Variants in URM1 observed in about 807,000 individuals in gnomAD.
URM1 encodes ubiquitin related modifier 1.
URM1 carries 11 observed loss-of-function variants against 17.7 expected under a neutral mutation model. The ratio of observed to expected loss-of-function variants is 0.62; its 90% CI spans 0.39 to 1.03. URM1 has a LOEUF of 1.03. Among genes scored for constraint, URM1 ranks in the 50% least tolerant of loss-of-function variants. URM1 has a pLI of 0.00. For synonymous variants in URM1, 48 were observed against 50.6 expected (o/e 0.95, Z 0.22); for missense variants, 128 against 129.2 (o/e 0.99, Z 0.04).
chr9:128,377,119 G>A (rs888565872), intron 1 of URM1, among the ~76,000 whole-genome samples: 13 of 152,198 alleles, frequency 8.5e-5, no homozygotes, highest in South Asian at 4.1e-4. Context: ...CAGTCATCTC[G>A]CCTTGGCCTC....
intron 2 of URM1, among the ~76,000 whole-genome samples, chr9:128,381,465 G>C (rs1371364342): frequency 6.6e-6 from 1 of 152,178 alleles, no homozygotes; most frequent in African/African-American, 2.4e-5. Context: ...GGGAGGCCAA[G>C]GTAGGCGGAT....
chr9:128,374,312 G>C (rs146281922), intron 1 of URM1, among the ~76,000 whole-genome samples: 6 of 152,298 alleles, frequency 3.9e-5, no homozygotes, highest in African/African-American at 1.4e-4. Flanking sequence ...GGGAAAAACA[G>C]CCTCGGCCTC....
chr9:128,378,171 A>G (rs1430219485), intron 2 of URM1, 65 bp downstream of exon 2: 1 of 1,196,732 alleles, frequency 8.4e-7, no homozygotes, highest in African/African-American at 1.5e-5. Flanking sequence ...CATGGGGAAC[A>G]CTCAGCCCCG....
intron 1 of URM1, among the ~76,000 whole-genome samples, chr9:128,371,780 C>G (rs369279538): frequency 1.3e-5 from 2 of 152,326 alleles, no homozygotes; most frequent in East Asian, 1.9e-4. Context: ...AAGGACCACC[C>G]TCCACCCGCT....
chr9:128,382,667 A>G (rs1012221179), intron 2 of URM1, among the ~76,000 whole-genome samples: 7 of 152,154 alleles, frequency 4.6e-5, no homozygotes, highest in African/African-American at 1.7e-4. Flanking sequence ...TTTCTTCCCT[A>G]TCTGTAAGAT....
At chr9:128,375,620 C>G (rs1833066114) in intron 1 of URM1, among the ~76,000 whole-genome samples, 1 of 152,124 alleles carries the variant, frequency 6.6e-6, no homozygotes, top group Non-Finnish European at 1.5e-5. Context: ...AGTACAGTGG[C>G]ATGACCTTGG....
chr9:128,386,977 T>C (rs984081029), intron 2 of URM1, among the ~76,000 whole-genome samples: 10 of 152,206 alleles, frequency 6.6e-5, no homozygotes, highest in African/African-American at 1.9e-4. Flanking sequence ...TTGAGGACCA[T>C]AGGCTTCGAG....
intron 3 of URM1, chr9:128,388,677 G>A: frequency 1.0e-6 from 1 of 984,392 alleles, no homozygotes; most frequent in South Asian, 4.7e-5. Context: ...AGGCTAAGCT[G>A]CCTGACCAAA....
At chr9:128,378,323 G>A (rs1833107056) in intron 2 of URM1, among the ~76,000 whole-genome samples, 1 of 152,034 alleles carries the variant, frequency 6.6e-6, no homozygotes, top group South Asian at 2.1e-4. Flanking sequence ...TGGATCACAA[G>A]GTCAGGAGTT....
chr9:128,373,047 G>C (rs1833032672), intron 1 of URM1, among the ~76,000 whole-genome samples: 1 of 152,246 alleles, frequency 6.6e-6, no homozygotes, highest in African/African-American at 2.4e-5. Context: ...GAGGAAGATG[G>C]GGCCATTGCT....
At chr9:128,388,076 T>C (rs1047154561) in intron 3 of URM1, 179 bp downstream of exon 3, 5 of 1,347,600 alleles carry the variant, frequency 3.7e-6, no homozygotes, top group African/African-American at 1.5e-5. Context: ...CTCTTGAGGA[T>C]TTTTTAAATC....
At chr9:128,373,124 C>T (rs777427241) in intron 1 of URM1, among the ~76,000 whole-genome samples, 3 of 152,106 alleles carry the variant, frequency 2.0e-5, no homozygotes, top group Admixed American at 6.6e-5. Flanking sequence ...TTCAGTCTCC[C>T]TTACCTCCAA....
intron 2 of URM1, among the ~76,000 whole-genome samples, chr9:128,383,888 G>C (rs748697555): frequency 2.6e-5 from 4 of 152,162 alleles, no homozygotes; most frequent in Admixed American, 6.5e-5. Context: ...GCTTGCGTCG[G>C]TGCTCTCCAC....
Position 128,389,964 on chromosome 9 carries a change from A to C in URM1, c.*230A>C. 1.7e-6 allele frequency: 1 copy of C among 586,652 alleles called. No individual in the cohort carries two copies. The highest frequency in any genetic ancestry group is 2.9e-6 in the Non-Finnish European group (1 of 339,748). 36.3% of individuals were successfully genotyped at this position (586,652 alleles called of 1,614,324 possible). ...GCCAGAGCCCAGCACTCCCTTTTCC[A>C]GCAGCTGTGGTGGGGGAGGGTTCCC... On this transcript the variant is annotated 3_prime_UTR_variant, in exon 5 of 5. Coordinates refer to ENST00000372853, the MANE Select transcript of URM1 (RefSeq NM_030914.4).
rs1388185413 is a variant in URM1, at chr9:128,374,477, G to A, written c.35+3062G>A. Among the ~76,000 whole-genome samples the A allele has an allele frequency of 5.2e-5, 7 of 133,628 alleles. No individual in the cohort carries two copies. In the South Asian group the frequency reaches 1.0e-3, roughly 20 times the overall value. 87.7% of individuals were successfully genotyped at this position (133,628 alleles called of 152,430 possible). A position where few individuals can be genotyped will look rare whatever the true frequency, so the allele number is the denominator to read the frequency against. On this transcript the variant is annotated intron_variant, in intron 1 of 4. Coordinates refer to ENST00000372853, the MANE Select transcript of URM1 (RefSeq NM_030914.4). ...GCTGCATGTGCCAACCCCCCACCCA[G>A]GAGAAAACGAGGCTCTTGGAAGGGA...
At chr9:128,389,461 CA>C in intron 4 of URM1, 152 bp downstream of exon 4, 1 of 1,570,354 alleles carries the variant, frequency 6.4e-7, no homozygotes, top group Non-Finnish European at 8.6e-7. Context: ...TCTCCCACTC[CA>C]GGTGAGGAAG....
At chr9:128,388,602 T>C in intron 3 of URM1, 2 of 986,252 alleles carry the variant, frequency 2.0e-6, no homozygotes, top group Non-Finnish European at 2.4e-6. Flanking sequence ...CAGGTCATGG[T>C]CCAGTGGTCC....
chr9:128,389,621 G>T (rs772613378), intron 4 of URM1, 45 bp from the exon 5 acceptor site: 1 of 1,611,720 alleles, frequency 6.2e-7, no homozygotes. Context: ...GTGGACCTGG[G>T]AAGGTGGCCC....
At chr9:128,376,155 G>A (rs1833073595) in intron 1 of URM1, among the ~76,000 whole-genome samples, 1 of 151,830 alleles carries the variant, frequency 6.6e-6, no homozygotes. Flanking sequence ...AGCCCAGGAG[G>A]TCAAGACCAG....
Sources: gnomAD v4.1 joint callset for allele counts (sites outside exome capture counted in the v4.1 genomes callset) on GRCh38, gnomAD v4.1.1 for gene constraint, MANE v1.5 for transcripts, NCBI Gene and HGNC (gene_info 2026-07-23, HGNC 2026-07-21) for gene names.